Variants in ABCC1 observed in about 807,000 individuals in gnomAD.
ABCC1 encodes ATP binding cassette subfamily C member 1 (ABCC1 blood group), also known as multidrug resistance-associated protein 1.
In ABCC1, 83 loss-of-function variants were observed where a neutral mutation model predicts 172.9. That is an observed-to-expected ratio of 0.48 (90% CI 0.40 to 0.58). ABCC1 has a LOEUF of 0.58. Among genes scored for constraint, ABCC1 ranks in the 20% least tolerant of loss-of-function variants. The pLI is 0.00. For synonymous variants in ABCC1, 937 were observed against 825.2 expected, an observed-to-expected ratio of 1.14 and a Z score of -2.32; for missense variants, 1,817 against 2,002.7, an observed-to-expected ratio of 0.91 and a Z score of 1.77.
At chr16:16,043,357 G>T (rs1290992978) in intron 7 of ABCC1, among the ~76,000 whole-genome samples, 3 of 151,088 alleles carry the variant, frequency 2.0e-5, no homozygotes, top group African/African-American at 4.9e-5. Context: ...GGAGTGCAAT[G>T]GTGTGGTCTC....
chr16:16,125,745 A>AAAAAAAAG, intron 25 of ABCC1, 65 bp from the exon 26 acceptor site: 2 of 1,212,738 alleles, frequency 1.6e-6, no homozygotes, highest in Non-Finnish European at 2.3e-6. Context: ...AGTGGAAAAA[A>AAAAAAAAG]AGAAAAAGGA....
intron 19 of ABCC1, chr16:16,098,878 A>T (rs1385965147): frequency 2.4e-5 from 32 of 1,352,014 alleles, no homozygotes; most frequent in Non-Finnish European, 3.1e-5. Context: ...CCCAGGCAGC[A>T]CAGTGATGGA....
At chr16:16,082,688 G>C (rs1424114917) in intron 16 of ABCC1, among the ~76,000 whole-genome samples, 1 of 152,216 alleles carries the variant, frequency 6.6e-6, no homozygotes, top group Non-Finnish European at 1.5e-5. Flanking sequence ...CTGTGGTCCA[G>C]GCTGGAGTGC....
chr16:16,000,391 C>T (rs140268451), intron 1 of ABCC1, among the ~76,000 whole-genome samples: 123 of 149,664 alleles, frequency 8.2e-4, no homozygotes, highest in Non-Finnish European at 1.3e-3. Flanking sequence ...GTGATCCACC[C>T]GTGTCGGCCT....
In ABCC1 at chr16:16,124,895, T is replaced by G; in HGVS notation, c.3697T>G (p.Ser1233Ala). 1 of 1,614,232 alleles carries G rather than the reference T, an allele frequency of 6.2e-7. No individual in the cohort carries two copies. Among genetic ancestry groups the G allele is most frequent in the Non-Finnish European group, 8.5e-7 (1 of 1,180,038 alleles). ...CCTCAGTGCTGGCTTGGTGGGCCTC[T>G]CAGTGTCTTACTCATTGCAGGTAAG... ...HSLSAGLVGL[S>A]VSYSLQVTTY... The change falls in exon 25 of 31, where the codon TCA becomes GCA. Residue 1233 changes from serine to alanine, a missense_variant. Transcript: ENST00000399410.
chr16:15,974,182 G>A (rs555236263), intron 1 of ABCC1, among the ~76,000 whole-genome samples: 58 of 152,274 alleles, frequency 3.8e-4, no homozygotes, highest in African/African-American at 1.3e-3. Flanking sequence ...GCCTCTTGGT[G>A]ACCACATGCT....
intron 1 of ABCC1, among the ~76,000 whole-genome samples, chr16:16,003,944 T>TGG (rs141828085): frequency 0.015 from 2,016 of 134,704 alleles, 25 homozygotes; most frequent in Non-Finnish European, 0.022. Flanking sequence ...ATGAATTGGT[T>TGG]GGGGGGGGTG....
intron 1 of ABCC1, among the ~76,000 whole-genome samples, chr16:16,005,069 C>CT (rs36027088): frequency 0.061 from 8,162 of 134,412 alleles, 728 homozygotes; most frequent in African/African-American, 0.19. Flanking sequence ...TCATTTTTAA[C>CT]TTTTTTTTTT....
At chr16:16,079,260 T>C (rs2050708575) in intron 15 of ABCC1, 92 bp from the exon 16 acceptor site, 2 of 1,549,606 alleles carry the variant, frequency 1.3e-6, no homozygotes, top group African/African-American at 2.7e-5. Flanking sequence ...TCTCTTTCTC[T>C]ACTTGGGGTA....
At chr16:16,069,741 AAG>A (rs2050261768) in intron 13 of ABCC1, among the ~76,000 whole-genome samples, 2 of 152,034 alleles carry the variant, frequency 1.3e-5, no homozygotes, top group Admixed American at 1.3e-4. Flanking sequence ...AAGAAAAAAA[AAG>A]CCAAGCATGA....
rs1491397616 is a variant in ABCC1 at position 16,026,464 on chromosome 16, C to CTTTTTTTTTTTTTTTTTTT, written c.616-6645_616-6644insTTTTTTTTTTTTTTTTTTT. Among the ~76,000 whole-genome samples, 59 of 102,290 alleles carry CTTTTTTTTTTTTTTTTTTT rather than the reference C, an allele frequency of 5.8e-4. 2 individuals are homozygous for CTTTTTTTTTTTTTTTTTTT. Among genetic ancestry groups the CTTTTTTTTTTTTTTTTTTT allele is most frequent in the Middle Eastern group, 7.8e-3 (1 of 128 alleles). The allele number at this position is 102,290 out of a possible 152,430, so 67.1% of individuals were successfully genotyped here. A position where few individuals can be genotyped will look rare whatever the true frequency, so the allele number is the denominator to read the frequency against. On this transcript the variant is annotated intron_variant, in intron 5 of 30. Transcript: ENST00000399410. The stretch of plus-strand genomic sequence containing the variant: ...AAAAAAAAAAAAAAAAAGGCTATTT[C>CTTTTTTTTTTTTTTTTTTT]CTTTTTTTTTTTTTTTTTTTTTTTG...
At position 16,142,808 on chromosome 16, in the gene ABCC1, A is replaced by G. The variant is rs1818212294; in HGVS notation, c.*1527A>G. On this transcript the variant is annotated 3_prime_UTR_variant, in exon 31 of 31. Transcript: ENST00000399410. ...AGCCTGTTCTTTAAGGTGTCTCGTT[A>G]GAGCCCAAAGTGGAATCCGGAAGGC... 6.6e-6 allele frequency: 1 copy of G among 152,600 alleles called. No individual in the cohort carries two copies. The highest frequency in any genetic ancestry group is 1.5e-5 in the Non-Finnish European group (1 of 68,030). The allele number at this position is 152,600 out of a possible 1,614,324, so 9.5% of individuals were successfully genotyped here.
At position 16,120,869 on chromosome 16, in the gene ABCC1, C is replaced by T. The variant is rs556477058; in HGVS notation, c.3391-1106C>T. 3.3e-5 allele frequency among the ~76,000 whole-genome samples: 5 copies of T among 152,174 alleles called. No individual in the cohort carries two copies. The East Asian group carries it at 9.7e-4, about 29-fold the overall frequency. On this transcript the variant is annotated intron_variant, in intron 23 of 30. Transcript: ENST00000399410. ...TCAGCTGGGCTGAGTGTGCTGGAAC[C>T]GGCCATTGCATGGACACAGTCACTC...
At chr16:15,982,123 A>G (rs187600442) in intron 1 of ABCC1, among the ~76,000 whole-genome samples, 8 of 152,262 alleles carry the variant, frequency 5.3e-5, no homozygotes, top group African/African-American at 1.4e-4. Flanking sequence ...GGAAGTTCCA[A>G]ACTTTCTTAC....
intron 1 of ABCC1, among the ~76,000 whole-genome samples, chr16:15,963,479 C>T (rs1302594872): frequency 2.0e-5 from 3 of 152,212 alleles, no homozygotes; most frequent in East Asian, 1.9e-4. Flanking sequence ...GGTAGAGGTT[C>T]TCCATAAAGG....
At chr16:16,028,158 AACCTCTGCCT>A (rs2048439597) in intron 5 of ABCC1, among the ~76,000 whole-genome samples, 1 of 152,132 alleles carries the variant, frequency 6.6e-6, no homozygotes, top group South Asian at 2.1e-4. Flanking sequence ...ACGGTTGGTT[AACCTCTGCCT>A]ACCTCAACCC....
intron 1 of ABCC1, among the ~76,000 whole-genome samples, chr16:15,958,533 G>A (rs1266211386): frequency 2.0e-5 from 3 of 152,188 alleles, no homozygotes; most frequent in Admixed American, 2.0e-4. Context: ...CTTGAAGTTA[G>A]CATCTGATTG....
At chr16:16,079,194 G>A (rs1346091318) in intron 15 of ABCC1, among the ~76,000 whole-genome samples, 158 bp from the exon 16 acceptor site, 1 of 152,182 alleles carries the variant, frequency 6.6e-6, no homozygotes, top group African/African-American at 2.4e-5. Flanking sequence ...CTCAGCAGTA[G>A]AAATGGAAGG....
At chr16:16,125,569 C>T (rs2045394116) in intron 25 of ABCC1, among the ~76,000 whole-genome samples, 1 of 152,012 alleles carries the variant, frequency 6.6e-6, no homozygotes, top group South Asian at 2.1e-4. Context: ...GCTGGGTTTA[C>T]AGGTGTGCGT....
Sources: gnomAD v4.1 joint callset for allele counts (sites outside exome capture counted in the v4.1 genomes callset) on GRCh38, gnomAD v4.1.1 for gene constraint, MANE v1.5 for transcripts, NCBI Gene and HGNC (gene_info 2026-07-23, HGNC 2026-07-21) for gene names.